TNR: variants seen among roughly 807,000 people sequenced by gnomAD.
TNR encodes the protein tenascin-R.
A neutral mutation model predicts 150.4 loss-of-function variants in TNR; 45 were observed. The observed-to-expected ratio is 0.30, with a 90% CI of 0.24 to 0.38. The LOEUF (loss-of-function observed/expected upper bound fraction) is 0.38. TNR is among the 10% of genes least tolerant of loss of function. TNR has a pLI of 1.00. For missense variants in TNR, 1,544 were observed against 1,759.1 expected (o/e 0.88, Z 2.19); for synonymous variants, 687 against 678.4 (o/e 1.01, Z -0.20).
intron 1 of TNR, among the ~76,000 whole-genome samples, chr1:175,611,753 G>T (rs1004170662): frequency 1.3e-5 from 2 of 152,206 alleles, no homozygotes; most frequent in South Asian, 4.2e-4. Flanking sequence ...TATATCCAGG[G>T]TTATTCTAGG....
chr1:175,473,829 T>G (rs560105945), intron 2 of TNR, among the ~76,000 whole-genome samples: 3 of 152,178 alleles, frequency 2.0e-5, no homozygotes, highest in Non-Finnish European at 4.4e-5. Context: ...TAACATGCAT[T>G]TCTGTCTAAT....
At chr1:175,371,952 G>T (rs1056288591) in intron 9 of TNR, among the ~76,000 whole-genome samples, 13 of 151,956 alleles carry the variant, frequency 8.6e-5, no homozygotes, top group African/African-American at 3.1e-4. Context: ...ATATTGAATT[G>T]CCATCCCCAA....
At chr1:175,561,604 C>T (rs148136344) in intron 1 of TNR, among the ~76,000 whole-genome samples, 87 of 152,272 alleles carry the variant, frequency 5.7e-4, no homozygotes, top group African/African-American at 2.0e-3. Flanking sequence ...ATCCCATAGT[C>T]ATCTGCTTAA....
In TNR at chr1:175,323,450, G is replaced by A; in HGVS notation, c.3984C>T (p.Gly1328=). Residue 1328 remains glycine, a synonymous_variant, in exon 23 of 23, where the codon GGC becomes GGT. Coordinates refer to ENST00000367674, the MANE Select transcript of TNR (RefSeq NM_003285.3). Reference sequence around the variant, plus strand: ...CCACAAAGGGGATGGAGAACTCATGGCCTTTCCAATGGTACCAGTTGATGC... The same window carrying A: ...CCACAAAGGGGATGGAGAACTCATGACCTTTCCAATGGTACCAGTTGATGC... ...SQGINWYHWK[G]HEFSIPFVEM... 6.2e-7 allele frequency: 1 copy of A among 1,614,070 alleles called. No homozygotes were observed. The highest frequency in any genetic ancestry group is 8.5e-7 in the Non-Finnish European group (1 of 1,179,954).
rs113995149 is a variant in TNR at position 175,562,745 on chromosome 1, G to A, written c.-164-34376C>T. Among the ~76,000 whole-genome samples, 790 of 152,320 alleles carry A rather than the reference G, an allele frequency of 5.2e-3. 8 individuals are homozygous for A. Among genetic ancestry groups the A allele is most frequent in the Non-Finnish European group, 3.9e-3 (264 of 68,028 alleles). The stretch of plus-strand genomic sequence containing the variant: ...TCCTGAGGCAGACTGTCTGACAAGG[G>A]ACAGAGGGATTTGGCTGGCTATGTC... On this transcript the variant is annotated intron_variant, in intron 1 of 22. Transcript: ENST00000367674.
intron 2 of TNR, among the ~76,000 whole-genome samples, chr1:175,465,194 C>A (rs1314475040): frequency 6.6e-6 from 1 of 152,220 alleles, no homozygotes. Context: ...CCAGCTCTAC[C>A]AATTACTTGC....
rs953758943 is a variant in TNR at position 175,353,851 on chromosome 1, A to T, written c.3382+540T>A. On this transcript the variant is annotated intron_variant, in intron 18 of 22. Transcript: ENST00000367674. Reference sequence around the variant, plus strand: ...AACCTGATTTTTTAAATTTTTATTTATTTTTTTTTTTTGAGACGGAGTCTC... The same window carrying T: ...AACCTGATTTTTTAAATTTTTATTTTTTTTTTTTTTTTGAGACGGAGTCTC... Among the ~76,000 whole-genome samples the T allele has an allele frequency of 1.2e-4, 17 of 146,138 alleles. No homozygotes were observed. The East Asian group carries it at 1.2e-3, about 10-fold the overall frequency.
chr1:175,475,536 A>G (rs16848487), intron 2 of TNR, among the ~76,000 whole-genome samples: 10,348 of 152,242 alleles, frequency 0.068, 760 homozygotes, highest in African/African-American at 0.18. Context: ...ATTACTGGAA[A>G]TTTCTGCTAC....
intron 1 of TNR, among the ~76,000 whole-genome samples, chr1:175,595,319 C>T (rs1210879609): frequency 6.6e-6 from 1 of 152,210 alleles, no homozygotes; most frequent in African/African-American, 2.4e-5. Flanking sequence ...GTTGTCCAGA[C>T]CAACTCCTTT....
At chr1:175,562,017 T>C (rs1239428327) in intron 1 of TNR, among the ~76,000 whole-genome samples, 3 of 152,172 alleles carry the variant, frequency 2.0e-5, no homozygotes, top group African/African-American at 7.2e-5. Flanking sequence ...AAAAATTACA[T>C]GACTTCCTGC....
chr1:175,469,015 G>C (rs1233735545), intron 2 of TNR, among the ~76,000 whole-genome samples: 1 of 152,122 alleles, frequency 6.6e-6, no homozygotes, highest in Non-Finnish European at 1.5e-5. Flanking sequence ...GCAGAAAATA[G>C]GCCTGAGGGA....
intron 1 of TNR, among the ~76,000 whole-genome samples, chr1:175,728,958 G>T (rs749660478): frequency 5.3e-5 from 8 of 152,164 alleles, no homozygotes; most frequent in Non-Finnish European, 1.0e-4. Flanking sequence ...TGAAGCCGGG[G>T]TCTGAAGTCA....
At chr1:175,708,579 CA>C (rs1264503867) in intron 1 of TNR, among the ~76,000 whole-genome samples, 2 of 152,084 alleles carry the variant, frequency 1.3e-5, no homozygotes, top group African/African-American at 4.8e-5. Context: ...CTTCCTTCCA[CA>C]ATGCATGGAA....
chr1:175,730,238 G>A (rs1178759528), intron 1 of TNR, among the ~76,000 whole-genome samples: 2 of 152,112 alleles, frequency 1.3e-5, no homozygotes, highest in Non-Finnish European at 2.9e-5. Context: ...TCTACCGGGA[G>A]TGCCCCTTCT....
rs1422683769 is a variant in TNR, at chr1:175,403,624, G to A, written c.500-8C>T. 5 of 1,602,916 alleles carry A rather than the reference G, an allele frequency of 3.1e-6. No homozygotes were observed. Among genetic ancestry groups the A allele is most frequent in the Non-Finnish European group, 4.3e-6 (5 of 1,172,672 alleles). On this transcript the variant is annotated splice_region_variant and splice_polypyrimidine_tract_variant and intron_variant, in intron 3 of 22. Coordinates refer to ENST00000367674, the MANE Select transcript of TNR (RefSeq NM_003285.3). ...GGATATAGTCCAGTTGTCCTGGAAT[G>A]GTCAAGGAGAAGGTCAAAGAGCAGC...
chr1:175,502,169 G>A (rs773973165), intron 2 of TNR, among the ~76,000 whole-genome samples: 24 of 152,132 alleles, frequency 1.6e-4, no homozygotes, highest in Non-Finnish European at 2.6e-4. Flanking sequence ...AGGATGTCTG[G>A]GGTGGGAGTC....
chr1:175,607,222 G>A (rs190757850), intron 1 of TNR, among the ~76,000 whole-genome samples: 336 of 152,276 alleles, frequency 2.2e-3, no homozygotes, highest in Non-Finnish European at 3.8e-3. Flanking sequence ...AGACTGAGTC[G>A]TCTTGAGACT....
chr1:175,543,851 C>T (rs1291356502), intron 1 of TNR, among the ~76,000 whole-genome samples: 2 of 152,050 alleles, frequency 1.3e-5, no homozygotes, highest in African/African-American at 4.8e-5. Context: ...TCATATTAAT[C>T]TTTCACCTTT....
At chr1:175,401,401 T>G (rs1653696414) in intron 4 of TNR, among the ~76,000 whole-genome samples, 1 of 152,108 alleles carries the variant, frequency 6.6e-6, no homozygotes, top group African/African-American at 2.4e-5. Flanking sequence ...ACTGGAGCCA[T>G]TTGTCAGCCT....
Sources: gnomAD v4.1 joint callset for allele counts (sites outside exome capture counted in the v4.1 genomes callset) on GRCh38, gnomAD v4.1.1 for gene constraint, MANE v1.5 for transcripts, NCBI Gene and HGNC (gene_info 2026-07-23, HGNC 2026-07-21) for gene names.